Variants in HSPA12B observed in about 807,000 individuals in gnomAD.
HSPA12B encodes heat shock protein family A (Hsp70) member 12B, also known as heat shock 70 kDa protein 12B.
Under a neutral mutation model 69.3 loss-of-function variants are expected in HSPA12B, and 54 were observed. That is an observed-to-expected ratio of 0.78 (90% CI 0.63 to 0.98). HSPA12B has a LOEUF of 0.98. Ranked by LOEUF, HSPA12B falls within the 50% of genes least tolerant of loss-of-function variation. The probability of loss-of-function intolerance (pLI) is 0.00; values close to 1 mark genes in which losing one functional copy is unlikely to be tolerated. For missense variants in HSPA12B, 929 were observed against 999.8 expected, an observed-to-expected ratio of 0.93 and a Z score of 0.96; for synonymous variants, 441 against 436.5, an observed-to-expected ratio of 1.01 and a Z score of -0.13.
At position 3,749,391 on chromosome 20, in the gene HSPA12B, T is replaced by C. The variant is rs2088367528; in HGVS notation, c.937+73T>C. 3 of 1,353,730 alleles carry C rather than the reference T, an allele frequency of 2.2e-6. No individual in the cohort carries two copies. Among genetic ancestry groups the C allele is most frequent in the South Asian group, 2.5e-5 (2 of 80,898 alleles). The allele number at this position is 1,353,730 out of a possible 1,614,324, so 83.9% of individuals were successfully genotyped here. On this transcript the variant is annotated intron_variant, in intron 9 of 12. Coordinates refer to ENST00000254963, the MANE Select transcript of HSPA12B (RefSeq NM_052970.5). This position sits in a 1 kb window ranked among gnomAD's most constrained non-coding sequence, Gnocchi z 5.5. The stretch of plus-strand genomic sequence containing the variant: ...CCATATACTGATGGGGGGAAGGGCA[T>C]GTTTGCAAAGCCCGTCTCTTCCTCC...
rs775998014 is a variant in HSPA12B at position 3,748,401 on chromosome 20, C to A, written c.850+10C>A. 6.4e-7 allele frequency: 1 copy of A among 1,572,736 alleles called. No individual in the cohort carries two copies. The highest frequency in any genetic ancestry group is 1.8e-5 in the Admixed American group (1 of 55,850). ...TCCAGCTTCCGTCAGGGTGAGCTGC[C>A]CCCGGGGACACCACCCACCCCTGGA... On this transcript the variant is annotated intron_variant, in intron 8 of 12. Transcript: ENST00000254963.
intron 7 of HSPA12B, among the ~76,000 whole-genome samples, chr20:3,746,892 A>T (rs1229207236): frequency 6.6e-6 from 1 of 152,204 alleles, no homozygotes; most frequent in Non-Finnish European, 1.5e-5. Context: ...AGTTATCCAG[A>T]GGAGGTAGCA....
chr20:3,746,452 G>A (rs1369814132), intron 7 of HSPA12B, among the ~76,000 whole-genome samples: 22 of 151,892 alleles, frequency 1.4e-4, no homozygotes, highest in African/African-American at 5.1e-4. Context: ...ACAGGTGCCC[G>A]CCACCACGCC....
rs370781893 is a variant in HSPA12B, at chr20:3,742,417, G to T, written c.266+9G>T. 4 of 1,603,696 alleles carry T rather than the reference G, an allele frequency of 2.5e-6. No homozygotes were observed. In the South Asian group the frequency reaches 3.3e-5, roughly 13 times the overall value. On this transcript the variant is annotated intron_variant, in intron 4 of 12. Coordinates refer to ENST00000254963, the MANE Select transcript of HSPA12B (RefSeq NM_052970.5). ...GCCATCCACATGATGAGGTGAGGTC[G>T]GCTGGGCTGAGAGAGTGAGGTGGGG...
chr20:3,739,443 G>T (rs2088162644), intron 2 of HSPA12B, among the ~76,000 whole-genome samples: 1 of 152,230 alleles, frequency 6.6e-6, no homozygotes, highest in Non-Finnish European at 1.5e-5. Flanking sequence ...CTCCGCAGGG[G>T]TGGGAGGCCG....
chr20:3,741,508 C>T (rs543780652), intron 3 of HSPA12B, among the ~76,000 whole-genome samples: 60 of 152,292 alleles, frequency 3.9e-4, no homozygotes, highest in African/African-American at 1.4e-3. Flanking sequence ...TGGTGCACAC[C>T]TGTAATCCCA....
intron 7 of HSPA12B, among the ~76,000 whole-genome samples, chr20:3,747,550 G>A (rs912428903): frequency 6.6e-6 from 1 of 152,122 alleles, no homozygotes. Context: ...CAGAATCTGG[G>A]GAACCCTACA....
At position 3,750,219 on chromosome 20, in the gene HSPA12B, C is replaced by T; in HGVS notation, c.1293C>T (p.Arg431=). Residue 431 remains arginine, a synonymous_variant, in exon 11 of 13, where the codon CGC becomes CGT. Transcript: ENST00000254963. ...GCCACAACGTGGAGACCGCTCTGCG[C>T]AGGAGCAGGTGGGTCCTGAGCCCGC... The part of the protein sequence containing the change: ...QRGHNVETAL[R]RSSVNFVKWS... 6.3e-7 allele frequency: 1 copy of T among 1,598,316 alleles called. No individual in the cohort carries two copies. The highest frequency in any genetic ancestry group is 1.1e-5 in the South Asian group (1 of 90,428).
intron 1 of HSPA12B, among the ~76,000 whole-genome samples, chr20:3,733,796 G>A (rs551271829): frequency 1.4e-4 from 22 of 152,344 alleles, no homozygotes; most frequent in African/African-American, 5.3e-4. Context: ...TCCATTACAG[G>A]GCTGGCTGGG....
intron 3 of HSPA12B, among the ~76,000 whole-genome samples, 175 bp from the exon 4 acceptor site, chr20:3,742,109 T>C (rs978734818): frequency 2.0e-5 from 3 of 151,104 alleles, no homozygotes; most frequent in African/African-American, 7.3e-5. Context: ...GCCTGGAGCC[T>C]GGGAGGGCAA....
chr20:3,734,173 A>T (rs1325978317), intron 1 of HSPA12B, among the ~76,000 whole-genome samples: 1 of 152,182 alleles, frequency 6.6e-6, no homozygotes, highest in African/African-American at 2.4e-5. Flanking sequence ...GTCTCAAAAA[A>T]AGGAGCGGGA....
chr20:3,748,306 G>A lies in HSPA12B; in HGVS notation c.765G>A (p.Leu255=), dbSNP rs1294648085. 1 of 1,611,948 alleles carries A rather than the reference G, an allele frequency of 6.2e-7. No homozygotes were observed. The highest frequency in any genetic ancestry group is 1.7e-5 in the Admixed American group (1 of 59,856). Residue 255 remains leucine (L), a synonymous_variant, in exon 8 of 13, where the codon CTG becomes CTA. Coordinates refer to ENST00000254963, the MANE Select transcript of HSPA12B (RefSeq NM_052970.5). ...AASVYCRKLR[L]HQLLDLSGRA... ...CGGTATACTGCCGCAAGCTGCGCCT[G>A]CACCAGCTCCTGGACCTGAGTGGCC... is the stretch of plus-strand genomic sequence containing the variant.
chr20:3,743,777 CCTT>C (rs2088249865), intron 4 of HSPA12B, among the ~76,000 whole-genome samples: 1 of 152,094 alleles, frequency 6.6e-6, no homozygotes, highest in East Asian at 1.9e-4. Context: ...GCAGTAATAT[CCTT>C]CTTTGAAAAC....
rs748187474 is a variant in HSPA12B, at chr20:3,750,140, C to T, written c.1214C>T (p.Ala405Val). The T allele has an allele frequency of 3.7e-6, 6 of 1,611,808 alleles. No individual in the cohort carries two copies. Among genetic ancestry groups the T allele is most frequent in the African/African-American group, 1.3e-5 (1 of 75,034 alleles). ...KRTAGPHRAG[A>V]LNISLPFSFI... ...ACTGCTGGCCCACACCGTGCAGGGGCGCTCAACATCTCGCTGCCCTTCTCC... is the reference window on the plus strand; with the variant it reads ...ACTGCTGGCCCACACCGTGCAGGGGTGCTCAACATCTCGCTGCCCTTCTCC... The change falls in exon 11 of 13, where the codon GCG (alanine) becomes GTG (valine). Residue 405 changes from alanine (A) to valine (V), a missense_variant. This residue lies in a region of HSPA12B where 448 missense variants were observed against 448.1 expected (regional missense o/e 1.00). Coordinates refer to ENST00000254963, the MANE Select transcript of HSPA12B (RefSeq NM_052970.5).
In HSPA12B at chr20:3,742,190, G is replaced by A; in HGVS notation, c.142-94G>A. The A allele has an allele frequency of 1.9e-6, 3 of 1,544,264 alleles. No homozygotes were observed. In the South Asian group the frequency reaches 3.6e-5, roughly 19 times the overall value. On this transcript the variant is annotated intron_variant, in intron 3 of 12. Coordinates refer to ENST00000254963, the MANE Select transcript of HSPA12B (RefSeq NM_052970.5). Reference sequence around the variant, plus strand: ...TGGTCTGGACCACAGTCAGTGGAGGGGAGTGTCTTCCCCATGCAGAGGAAG... The same window carrying A: ...TGGTCTGGACCACAGTCAGTGGAGGAGAGTGTCTTCCCCATGCAGAGGAAG...
intron 4 of HSPA12B, among the ~76,000 whole-genome samples, chr20:3,743,675 A>G (rs546609192): frequency 6.6e-6 from 1 of 152,320 alleles, no homozygotes; most frequent in East Asian, 1.9e-4. Flanking sequence ...AGTATTCCAT[A>G]GTACAGATGT....
At position 3,744,407 on chromosome 20, in the gene HSPA12B, G is replaced by A. The variant is rs907349097; in HGVS notation, c.267-495G>A. ...AGGAACACTGTCTCTGTCCTGTGGA[G>A]GTGACAGTCACAGGAAATAACTGGG... On this transcript the variant is annotated intron_variant, in intron 4 of 12. Coordinates refer to ENST00000254963, the MANE Select transcript of HSPA12B (RefSeq NM_052970.5). This position sits in a 1 kb window ranked among gnomAD's most constrained non-coding sequence, Gnocchi z 4.9. Among the ~76,000 whole-genome samples, 1 of 152,280 alleles carries A rather than the reference G, an allele frequency of 6.6e-6. No individual in the cohort carries two copies. Among genetic ancestry groups the A allele is most frequent in the Non-Finnish European group, 1.5e-5 (1 of 68,026 alleles).
chr20:3,747,638 A>T (rs1030148786), intron 7 of HSPA12B, among the ~76,000 whole-genome samples: 7 of 152,148 alleles, frequency 4.6e-5, no homozygotes, highest in Non-Finnish European at 5.9e-5. Flanking sequence ...TTCTCCACCC[A>T]ACTGGCCTGT....
Position 3,749,947 on chromosome 20 carries a change from T to G in HSPA12B, c.1043-22T>G. The G allele has an allele frequency of 1.3e-6, 2 of 1,550,746 alleles. No individual in the cohort carries two copies. Among genetic ancestry groups the G allele is most frequent in the South Asian group, 2.4e-5 (2 of 84,996 alleles). ...CGGCCCGGCGAGCGCTGACGCCCTC[T>G]TCGCCCCCTGCTCCACCCCAGGGGG... On this transcript the variant is annotated intron_variant, in intron 10 of 12. Transcript: ENST00000254963. The surrounding 1 kb of genome is among the most constrained non-coding windows in gnomAD (Gnocchi z 5.5).
Sources: gnomAD v4.1 joint callset for allele counts (sites outside exome capture counted in the v4.1 genomes callset) on GRCh38, gnomAD v4.1.1 for gene constraint, gnomAD v4.1.1 regional missense constraint, Gnocchi (gnomAD v3.1) non-coding constraint, MANE v1.5 for transcripts, NCBI Gene and HGNC (gene_info 2026-07-23, HGNC 2026-07-21) for gene names.